PHYHIPL: variants seen among roughly 807,000 people sequenced by gnomAD.
PHYHIPL encodes phytanoyl-CoA hydroxylase-interacting protein-like.
A neutral mutation model predicts 33.4 loss-of-function variants in PHYHIPL; 9 were observed. The observed-to-expected ratio is 0.27, with a 90% CI of 0.16 to 0.47. The LOEUF (loss-of-function observed/expected upper bound fraction) is 0.47, where lower values mean the gene tolerates loss of function less well. Ranked by LOEUF, PHYHIPL falls within the 20% of genes least tolerant of loss-of-function variation. The pLI is 0.99. For synonymous variants in PHYHIPL, 153 were observed against 154.1 expected (o/e 0.99, Z 0.05); for missense variants, 365 against 460.7 (o/e 0.79, Z 1.90).
At chr10:59,219,332 T>C (rs1839699700) in intron 1 of PHYHIPL, 1 of 637,204 alleles carries the variant, frequency 1.6e-6, no homozygotes, top group Admixed American at 6.3e-5. Flanking sequence ...TTCTGTGATA[T>C]GGTATATAAA....
chr10:59,223,257 G>A (rs1839829216), intron 1 of PHYHIPL, among the ~76,000 whole-genome samples: 1 of 152,160 alleles, frequency 6.6e-6, no homozygotes, highest in Non-Finnish European at 1.5e-5. Flanking sequence ...TGCCCATGGG[G>A]TTCTATTACT....
chr10:59,244,771 G>A (rs577090606), intron 4 of PHYHIPL, among the ~76,000 whole-genome samples: 1 of 151,900 alleles, frequency 6.6e-6, no homozygotes, highest in Admixed American at 6.6e-5. Context: ...TTACCTGTAA[G>A]GTTTCTAATT....
intron 1 of PHYHIPL, among the ~76,000 whole-genome samples, chr10:59,200,282 G>C (rs930568835): frequency 2.6e-5 from 4 of 152,052 alleles, no homozygotes; most frequent in African/African-American, 9.7e-5. Context: ...GTTGAATTTT[G>C]TCAAAGGCCT....
intron 1 of PHYHIPL, among the ~76,000 whole-genome samples, chr10:59,217,722 A>T (rs970099712): frequency 1.3e-4 from 20 of 152,106 alleles, no homozygotes; most frequent in African/African-American, 4.8e-4. Flanking sequence ...TCAAATTTGG[A>T]TAACTTTAAT....
chr10:59,245,086 C>T lies in PHYHIPL; in HGVS notation c.626C>T (p.Ser209Phe). The change falls in exon 5 of 5, where the codon TCT becomes TTT. Residue 209 changes from serine to phenylalanine, a missense_variant. Around this residue, in one of 4 missense-constraint regions of PHYHIPL, gnomAD observed 196 missense variants for 224.9 expected, o/e 0.87. Coordinates refer to ENST00000373880, the MANE Select transcript of PHYHIPL (RefSeq NM_032439.4). Reference sequence around the variant, plus strand: ...CATCATGGGAATGCTATGCAGCCATCTGTCAAGGATAACAGTGGTAGCCAT... The same window carrying T: ...CATCATGGGAATGCTATGCAGCCATTTGTCAAGGATAACAGTGGTAGCCAT... ...REHHGNAMQP[S>F]VKDNSGSHGS... The T allele has an allele frequency of 6.2e-7, 1 of 1,612,416 alleles. No individual in the cohort carries two copies. The highest frequency in any genetic ancestry group is 1.1e-5 in the South Asian group (1 of 90,764).
chr10:59,180,660 C>G (rs1332082229), intron 1 of PHYHIPL, among the ~76,000 whole-genome samples: 1 of 151,708 alleles, frequency 6.6e-6, no homozygotes, highest in Non-Finnish European at 1.5e-5. Context: ...TCTAACAATA[C>G]TTACGTGGAA....
At chr10:59,234,690 C>T (rs1840172260) in intron 2 of PHYHIPL, among the ~76,000 whole-genome samples, 190 bp downstream of exon 2, 1 of 151,706 alleles carries the variant, frequency 6.6e-6, no homozygotes, top group African/African-American at 2.4e-5. Context: ...AAATGCCATG[C>T]TTTTTGTTAG....
Position 59,183,233 on chromosome 10 carries a change from A to G in PHYHIPL, c.106+6274A>G, listed in dbSNP as rs117016005. Among the ~76,000 whole-genome samples the G allele has an allele frequency of 8.2e-3, 1,241 of 152,258 alleles. 11 individuals are homozygous for G. The highest frequency in any genetic ancestry group is 0.012 in the Non-Finnish European group (837 of 68,010). ...TACAATATAAAACTAACCACTTAATAGTTTAGAGAGGATTGTGAAATAGTG... is the reference window on the plus strand; with the variant it reads ...TACAATATAAAACTAACCACTTAATGGTTTAGAGAGGATTGTGAAATAGTG... On this transcript the variant is annotated intron_variant, in intron 1 of 4. Transcript: ENST00000373880.
intron 1 of PHYHIPL, among the ~76,000 whole-genome samples, chr10:59,200,723 C>T (rs1330580724): frequency 6.6e-6 from 1 of 152,116 alleles, no homozygotes; most frequent in Non-Finnish European, 1.5e-5. Flanking sequence ...TATTTACTGC[C>T]TCAATTTCAG....
intron 1 of PHYHIPL, among the ~76,000 whole-genome samples, chr10:59,211,834 T>G (rs752681951): frequency 2.0e-4 from 30 of 152,160 alleles, no homozygotes; most frequent in Non-Finnish European, 3.7e-4. Flanking sequence ...TGAAAGGAAT[T>G]CATTTCTTAA....
chr10:59,243,471 T>C (rs1840487153), intron 4 of PHYHIPL, among the ~76,000 whole-genome samples: 1 of 152,170 alleles, frequency 6.6e-6, no homozygotes, highest in South Asian at 2.1e-4. Context: ...AGTAAAAGTA[T>C]AGGGTCACAT....
At chr10:59,189,977 T>C (rs577691801) in intron 1 of PHYHIPL, among the ~76,000 whole-genome samples, 142 of 152,114 alleles carry the variant, frequency 9.3e-4, no homozygotes, top group African/African-American at 3.1e-3. Flanking sequence ...GGTTATGCCA[T>C]GATTAGGATT....
intron 1 of PHYHIPL, among the ~76,000 whole-genome samples, chr10:59,196,525 C>T (rs1790876108): frequency 6.6e-6 from 1 of 151,224 alleles, no homozygotes; most frequent in Non-Finnish European, 1.5e-5. Context: ...ACGCCATTCT[C>T]CTCACACCTC....
At chr10:59,203,181 G>A (rs898078134) in intron 1 of PHYHIPL, among the ~76,000 whole-genome samples, 9 of 152,086 alleles carry the variant, frequency 5.9e-5, no homozygotes, top group Non-Finnish European at 1.3e-4. Flanking sequence ...CATCATCACT[G>A]GCCATCAGAG....
chr10:59,242,250 G>C (rs1337059337), intron 4 of PHYHIPL, among the ~76,000 whole-genome samples: 1 of 152,116 alleles, frequency 6.6e-6, no homozygotes, highest in Non-Finnish European at 1.5e-5. Context: ...TTCTCTCTCT[G>C]ATCTAGAGTA....
In PHYHIPL at chr10:59,245,690, T is replaced by G. The variant is rs1840636200; in HGVS notation, c.*99T>G. The stretch of plus-strand genomic sequence containing the variant: ...TCACCAGATGTTTTCCACTGAAGCA[T>G]GCACATGCCACTGTCACCAAAACAA... On this transcript the variant is annotated 3_prime_UTR_variant, in exon 5 of 5. Coordinates refer to ENST00000373880, the MANE Select transcript of PHYHIPL (RefSeq NM_032439.4). 6 of 1,298,244 alleles carry G rather than the reference T, an allele frequency of 4.6e-6. No homozygotes were observed. The highest frequency in any genetic ancestry group is 6.3e-6 in the Non-Finnish European group (6 of 952,134). The allele number at this position is 1,298,244 out of a possible 1,614,324, so 80.4% of individuals were successfully genotyped here.
At chr10:59,236,342 C>T (rs1840228789) in intron 2 of PHYHIPL, 141 bp from the exon 3 acceptor site, 3 of 462,570 alleles carry the variant, frequency 6.5e-6, no homozygotes, top group South Asian at 5.4e-5. Flanking sequence ...TCCCTCCTTC[C>T]TTCCCTCCCT....
intron 1 of PHYHIPL, among the ~76,000 whole-genome samples, chr10:59,207,472 C>T (rs898639728): frequency 2.0e-5 from 3 of 152,196 alleles, no homozygotes; most frequent in Non-Finnish European, 4.4e-5. Context: ...GCCACCAGGG[C>T]CCTCACAGTG....
In PHYHIPL at chr10:59,206,866, C is replaced by T. The variant is rs189716035; in HGVS notation, c.107-27438C>T. On this transcript the variant is annotated intron_variant, in intron 1 of 4. Coordinates refer to ENST00000373880, the MANE Select transcript of PHYHIPL (RefSeq NM_032439.4). Reference sequence around the variant, plus strand: ...AACTGTAAGTGCACTTCATCTCCTGCACTAGTCATGTTTTTGACTTCCCCA... The same window carrying T: ...AACTGTAAGTGCACTTCATCTCCTGTACTAGTCATGTTTTTGACTTCCCCA... 164 of 1,016,772 alleles carry T rather than the reference C, an allele frequency of 1.6e-4. 1 individual carries two copies. In the African/African-American group the frequency reaches 2.6e-3, roughly 16 times the overall value. The allele number at this position is 1,016,772 out of a possible 1,614,324, so 63.0% of individuals were successfully genotyped here. A position where few individuals can be genotyped will look rare whatever the true frequency, so the allele number is the denominator to read the frequency against.
Sources: gnomAD v4.1 joint callset for allele counts (sites outside exome capture counted in the v4.1 genomes callset) on GRCh38, gnomAD v4.1.1 for gene constraint, gnomAD v4.1.1 regional missense constraint, MANE v1.5 for transcripts, NCBI Gene and HGNC (gene_info 2026-07-23, HGNC 2026-07-21) for gene names.